CTNNA2: variants seen among roughly 807,000 people sequenced by gnomAD.
The protein encoded by CTNNA2 is catenin alpha 2, also known as catenin alpha-2.
Under a neutral mutation model 101.0 loss-of-function variants are expected in CTNNA2, and 42 were observed. The ratio of observed to expected loss-of-function variants is 0.42; its 90% CI spans 0.32 to 0.54. CTNNA2 has a LOEUF of 0.54. CTNNA2 is among the 20% of genes least tolerant of loss of function. The pLI, the probability that CTNNA2 is intolerant of heterozygous loss-of-function variation, is 0.14. For missense variants in CTNNA2, 871 were observed against 1,223.1 expected (o/e 0.71, Z 4.29); for synonymous variants, 450 against 456.4 (o/e 0.99, Z 0.18).
chr2:79,446,395 G>A (rs1172576551), intron 4 of CTNNA2, among the ~76,000 whole-genome samples: 1 of 152,144 alleles, frequency 6.6e-6, no homozygotes, highest in South Asian at 2.1e-4. Flanking sequence ...CTTCTACTCA[G>A]AAAGCACAGT....
chr2:79,961,269 T>G (rs1007331298), intron 7 of CTNNA2, among the ~76,000 whole-genome samples: 2 of 152,198 alleles, frequency 1.3e-5, no homozygotes, highest in Non-Finnish European at 1.5e-5. Context: ...AAGTAAATTC[T>G]TGGCATGCGA....
chr2:79,367,365 T>C (rs1412160446), intron 3 of CTNNA2, among the ~76,000 whole-genome samples: 2 of 151,654 alleles, frequency 1.3e-5, no homozygotes, highest in South Asian at 2.1e-4. Context: ...CTGAAGGAGG[T>C]GAGAGAAAAG....
intron 1 of CTNNA2, chr2:79,195,750 A>T (rs1199474766): frequency 8.4e-6 from 4 of 475,436 alleles, no homozygotes; most frequent in African/African-American, 7.9e-5. Context: ...GTGTCATATC[A>T]TCTGAAAAAG....
At chr2:80,516,202 G>T (rs887108741) in intron 9 of CTNNA2, among the ~76,000 whole-genome samples, 3 of 152,182 alleles carry the variant, frequency 2.0e-5, no homozygotes, top group African/African-American at 7.2e-5. Context: ...TGGCTAATAT[G>T]CATCTTGCCT....
intron 9 of CTNNA2, among the ~76,000 whole-genome samples, chr2:80,433,934 C>A (rs1681782263): frequency 6.6e-6 from 1 of 152,188 alleles, no homozygotes; most frequent in African/African-American, 2.4e-5. Context: ...TTGAGAGTAA[C>A]AATTACTTTT....
At chr2:79,755,637 C>A (rs1672347972) in intron 3 of CTNNA2, among the ~76,000 whole-genome samples, 1 of 152,140 alleles carries the variant, frequency 6.6e-6, no homozygotes, top group Non-Finnish European at 1.5e-5. Flanking sequence ...GCCATAACTC[C>A]AGATTCAGTA....
intron 11 of CTNNA2, among the ~76,000 whole-genome samples, chr2:80,548,741 A>G (rs1327032239): frequency 6.6e-6 from 1 of 152,186 alleles, no homozygotes; most frequent in Non-Finnish European, 1.5e-5. Flanking sequence ...ATAATGATAC[A>G]GCCCACTCTG....
intron 1 of CTNNA2, among the ~76,000 whole-genome samples, chr2:79,636,416 A>G (rs1313318656): frequency 6.6e-6 from 1 of 152,066 alleles, no homozygotes; most frequent in Non-Finnish European, 1.5e-5. Flanking sequence ...ATGGAGTCCA[A>G]AGCAGAACCA....
chr2:80,417,267 A>G (rs1465043705), intron 8 of CTNNA2, among the ~76,000 whole-genome samples: 5 of 151,030 alleles, frequency 3.3e-5, no homozygotes, highest in Non-Finnish European at 5.9e-5. Flanking sequence ...TTTTTTGGTG[A>G]GAATATTAAA....
At chr2:80,179,534 G>A (rs4372930) in intron 7 of CTNNA2, among the ~76,000 whole-genome samples, 12 of 151,782 alleles carry the variant, frequency 7.9e-5, no homozygotes, top group Admixed American at 1.3e-4. Flanking sequence ...CCACCACACC[G>A]GGCTAATTTT....
chr2:80,025,830 A>G (rs1245880646), intron 7 of CTNNA2, among the ~76,000 whole-genome samples: 1 of 152,190 alleles, frequency 6.6e-6, no homozygotes, highest in African/African-American at 2.4e-5. Context: ...TAGCTATTGC[A>G]CCATCTCCTC....
intron 3 of CTNNA2, among the ~76,000 whole-genome samples, chr2:79,805,772 C>T (rs1216195436): frequency 1.3e-5 from 2 of 151,852 alleles, no homozygotes; most frequent in African/African-American, 4.8e-5. Context: ...CCCGTTTCTA[C>T]TAAAAATACA....
chr2:80,213,847 C>T (rs1285222000), intron 7 of CTNNA2, among the ~76,000 whole-genome samples: 1 of 152,140 alleles, frequency 6.6e-6, no homozygotes, highest in African/African-American at 2.4e-5. Flanking sequence ...ATGTGGGAGT[C>T]TAAGTCTCTT....
intron 4 of CTNNA2, among the ~76,000 whole-genome samples, chr2:79,466,009 A>G (rs180849970): frequency 6.6e-6 from 1 of 152,198 alleles, no homozygotes; most frequent in East Asian, 1.9e-4. Flanking sequence ...TACTGGGTTC[A>G]TCTCACTGGG....
chr2:80,601,207 TTGTC>T (rs1697477798), intron 15 of CTNNA2, among the ~76,000 whole-genome samples: 1 of 152,064 alleles, frequency 6.6e-6, no homozygotes, highest in Non-Finnish European at 1.5e-5. Context: ...TTTCTTCTTT[TTGTC>T]TGTGTGTGTG....
intron 7 of CTNNA2, among the ~76,000 whole-genome samples, chr2:80,136,258 T>C (rs1275073608): frequency 1.3e-5 from 2 of 152,180 alleles, no homozygotes; most frequent in Non-Finnish European, 2.9e-5. Context: ...GTCCAGGATC[T>C]GGGAAACTTT....
At chr2:80,519,180 A>G (rs761983101) in intron 9 of CTNNA2, among the ~76,000 whole-genome samples, 2 of 152,162 alleles carry the variant, frequency 1.3e-5, no homozygotes, top group Non-Finnish European at 2.9e-5. Flanking sequence ...ATCAAGGAGC[A>G]TCTGAGATAG....
chr2:79,538,677 T>C (rs758570048), intron 1 of CTNNA2, among the ~76,000 whole-genome samples: 2 of 151,924 alleles, frequency 1.3e-5, no homozygotes, highest in Non-Finnish European at 2.9e-5. Context: ...GAGAGGTGAG[T>C]AGGCATGTGT....
chr2:80,255,596 G>A (rs140228705), intron 7 of CTNNA2, among the ~76,000 whole-genome samples: 67 of 152,234 alleles, frequency 4.4e-4, no homozygotes, highest in African/African-American at 1.4e-3. Context: ...AAACTCGCGG[G>A]CCTTGTCTTG....
Sources: allele counts gnomAD v4.1 joint callset (sites outside exome capture counted in the v4.1 genomes callset), GRCh38; gene constraint gnomAD v4.1.1; transcripts MANE v1.5; gene names NCBI Gene and HGNC (gene_info 2026-07-23, HGNC 2026-07-21).